Variants in TINAG observed in about 807,000 individuals in gnomAD.
TINAG encodes tubulointerstitial nephritis antigen.
Under a neutral mutation model 72.7 loss-of-function variants are expected in TINAG, and 83 were observed. The ratio of observed to expected loss-of-function variants is 1.14; its 90% CI spans 0.96 to 1.37. The LOEUF is 1.37. Ranked by LOEUF, TINAG falls within the 40% of genes most tolerant of loss-of-function variation. TINAG has a pLI of 0.00. For missense variants in TINAG, 685 were observed against 576.6 expected (o/e 1.19, Z -1.93); for synonymous variants, 234 against 189.9 (o/e 1.23, Z -1.91).
At chr6:54,350,645 C>G (rs9474818) in intron 7 of TINAG, among the ~76,000 whole-genome samples, 1,517 of 147,558 alleles carry the variant, frequency 0.01, 23 homozygotes, top group African/African-American at 0.036. Flanking sequence ...GGTTATCAAG[C>G]CTTTCCATCT....
intron 1 of TINAG, among the ~76,000 whole-genome samples, chr6:54,315,398 G>A (rs1216495867): frequency 6.6e-6 from 1 of 152,042 alleles, no homozygotes; most frequent in Non-Finnish European, 1.5e-5. Flanking sequence ...GCTGGGTGTG[G>A]TGGCTCACAC....
intron 5 of TINAG, among the ~76,000 whole-genome samples, chr6:54,345,498 A>G (rs969763492): frequency 2.6e-5 from 4 of 152,140 alleles, no homozygotes; most frequent in African/African-American, 9.6e-5. Context: ...CCAGGCTTCC[A>G]ACTTCTGGAT....
Position 54,380,548 on chromosome 6 carries a change from CA to C in TINAG, c.1275del (p.Gln427ArgfsTer28). On this transcript the variant is annotated frameshift_variant, in exon 10 of 11. Transcript: ENST00000259782. LOFTEE classifies it high-confidence loss of function. Reference sequence around the variant, plus strand: ...TAGATGGGGCACACTGAGAGGAGCACAAGGGCAGAAAGAAAAATTTTGGGTA... The same window carrying C: ...TAGATGGGGCACACTGAGAGGAGCACAGGGCAGAAAGAAAAATTTTGGGTA... Reference protein sequence around the residue: ...LTGWGTLRGAQGQKEKFWIAA... With the variant: ...LTGWGTLRGAXGQKEKFWIAA... 6.2e-7 allele frequency: 1 copy of C among 1,610,540 alleles called. No individual in the cohort carries two copies. The highest frequency in any genetic ancestry group is 1.1e-5 in the South Asian group (1 of 90,828).
intron 10 of TINAG, among the ~76,000 whole-genome samples, chr6:54,388,190 G>C (rs1230118588): frequency 6.6e-6 from 1 of 152,020 alleles, no homozygotes; most frequent in Non-Finnish European, 1.5e-5. Flanking sequence ...TTGATATATA[G>C]ATACAGATAT....
At chr6:54,374,266 C>A (rs1477585613) in intron 9 of TINAG, among the ~76,000 whole-genome samples, 2 of 152,014 alleles carry the variant, frequency 1.3e-5, no homozygotes, top group Non-Finnish European at 2.9e-5. Flanking sequence ...GTGAAAAATG[C>A]TATTTCATGA....
rs1220540885 is a variant in TINAG, at chr6:54,343,327, A to G, written c.726A>G (p.Ala242=). The G allele has an allele frequency of 1.9e-6, 3 of 1,556,006 alleles. No individual in the cohort carries two copies. Among genetic ancestry groups the G allele is most frequent in the Admixed American group, 3.6e-5 (2 of 55,590 alleles). ...HGPLDQKNCA[A]SWAFSTASVA... Reference sequence around the variant, plus strand: ...CATTGGATCAAAAAAATTGTGCTGCATCCTGGGCATTTTCCACTGCAAGTA... The same window carrying G: ...CATTGGATCAAAAAAATTGTGCTGCGTCCTGGGCATTTTCCACTGCAAGTA... The change falls in exon 5 of 11, where the codon GCA becomes GCG. Residue 242 remains alanine, a synonymous_variant. Coordinates refer to ENST00000259782, the MANE Select transcript of TINAG (RefSeq NM_014464.4).
chr6:54,347,307 G>T, intron 5 of TINAG, 60 bp from the exon 6 acceptor site: 2 of 1,567,828 alleles, frequency 1.3e-6, no homozygotes, highest in Non-Finnish European at 1.7e-6. Context: ...AAAGGGTTAT[G>T]TACCTTATTA....
At chr6:54,350,956 C>A (rs963796558) in intron 7 of TINAG, among the ~76,000 whole-genome samples, 1 of 151,684 alleles carries the variant, frequency 6.6e-6, no homozygotes, top group Non-Finnish European at 1.5e-5. Flanking sequence ...CTACAGAGGG[C>A]TTCATTAAAC....
At chr6:54,351,665 T>C (rs1582731645) in intron 8 of TINAG, among the ~76,000 whole-genome samples, 1 of 152,068 alleles carries the variant, frequency 6.6e-6, no homozygotes, top group East Asian at 1.9e-4. Context: ...AACTCCGAAA[T>C]CTTTCCAAAG....
In TINAG at chr6:54,343,291, G is replaced by C; in HGVS notation, c.690G>C (p.Trp230Cys). 1 of 1,585,526 alleles carries C rather than the reference G, an allele frequency of 6.3e-7. No homozygotes were observed. Among genetic ancestry groups the C allele is most frequent in the Non-Finnish European group, 8.6e-7 (1 of 1,164,152 alleles). The change falls in exon 5 of 11, where the codon TGG (tryptophan) becomes TGC (cysteine). Residue 230 changes from tryptophan (W) to cysteine (C), a missense_variant. Trp to Cys is a radical substitution (Grantham distance 215). Coordinates refer to ENST00000259782, the MANE Select transcript of TINAG (RefSeq NM_014464.4). The part of the protein sequence containing the change: ...FFVASYKWPG[W>C]THGPLDQKNC... ...TTGCTTCTTATAAATGGCCTGGATG[G>C]ACTCATGGCCCATTGGATCAAAAAA...
chr6:54,349,228 C>T (rs1410062517), intron 6 of TINAG, among the ~76,000 whole-genome samples: 1 of 151,678 alleles, frequency 6.6e-6, no homozygotes, highest in East Asian at 1.9e-4. Context: ...ATATCTATAA[C>T]TTAATAAAAA....
At chr6:54,309,223 CTTCTT>C (rs577088319) in intron 1 of TINAG, among the ~76,000 whole-genome samples, 128 of 151,780 alleles carry the variant, frequency 8.4e-4, no homozygotes, top group Non-Finnish European at 1.2e-3. Context: ...CTCTCTCTCT[CTTCTT>C]TTTATTGACA....
intron 9 of TINAG, among the ~76,000 whole-genome samples, chr6:54,359,956 TTC>T (rs1322093806): frequency 2.0e-5 from 3 of 151,768 alleles, no homozygotes; most frequent in African/African-American, 7.2e-5. Context: ...ACACGACAAA[TTC>T]TGTTTGCTGC....
intron 10 of TINAG, among the ~76,000 whole-genome samples, chr6:54,383,369 T>A (rs1260102019): frequency 3.9e-5 from 6 of 152,146 alleles, no homozygotes; most frequent in Non-Finnish European, 7.3e-5. Context: ...TATAAACCTA[T>A]TTTTATAATA....
At chr6:54,323,427 C>A (rs1202874381) in intron 3 of TINAG, among the ~76,000 whole-genome samples, 1 of 152,098 alleles carries the variant, frequency 6.6e-6, no homozygotes, top group Non-Finnish European at 1.5e-5. Flanking sequence ...AAAATATAAC[C>A]ATATTATATC....
chr6:54,381,345 C>A (rs1763943767), intron 10 of TINAG, among the ~76,000 whole-genome samples: 1 of 66,562 alleles, frequency 1.5e-5, no homozygotes, highest in African/African-American at 8.8e-5. Flanking sequence ...GTCCAAAGTC[C>A]TAATATTATA....
chr6:54,368,746 CAAAACA>C (rs1329979096), intron 9 of TINAG, among the ~76,000 whole-genome samples: 1 of 151,376 alleles, frequency 6.6e-6, no homozygotes, highest in East Asian at 1.9e-4. Context: ...GATTAAAAAA[CAAAACA>C]AAAACCTCAG....
chr6:54,382,140 C>T (rs995017083), intron 10 of TINAG, among the ~76,000 whole-genome samples: 4 of 152,082 alleles, frequency 2.6e-5, no homozygotes, highest in African/African-American at 9.7e-5. Flanking sequence ...ACTTATCAAA[C>T]ATCTTCAAAG....
intron 9 of TINAG, among the ~76,000 whole-genome samples, chr6:54,358,291 T>C (rs2150965245): frequency 6.6e-6 from 1 of 152,004 alleles, no homozygotes; most frequent in African/African-American, 2.4e-5. Context: ...ACACAGTGTA[T>C]AATTTAATTA....
Sources: gnomAD v4.1 joint callset for allele counts (sites outside exome capture counted in the v4.1 genomes callset) on GRCh38, gnomAD v4.1.1 for gene constraint, MANE v1.5 for transcripts, NCBI Gene and HGNC (gene_info 2026-07-23, HGNC 2026-07-21) for gene names.